LRP1B: variants seen among roughly 807,000 people sequenced by gnomAD.
LRP1B encodes low-density lipoprotein receptor-related protein 1B.
A neutral mutation model predicts 556.6 loss-of-function variants in LRP1B; 217 were observed. That is an observed-to-expected ratio of 0.39 (90% CI 0.35 to 0.44). LRP1B has a LOEUF of 0.44. Ranked by LOEUF, LRP1B falls within the 20% of genes least tolerant of loss-of-function variation. LRP1B has a pLI of 1.00. For missense variants in LRP1B, 5,053 were observed against 5,620.8 expected (o/e 0.90, Z 3.23); for synonymous variants, 2,047 against 1,865.8 (o/e 1.10, Z -2.50).
chr2:141,278,269 A>T (rs1685377313), intron 3 of LRP1B, among the ~76,000 whole-genome samples: 1 of 151,932 alleles, frequency 6.6e-6, no homozygotes, highest in South Asian at 2.1e-4. Context: ...GATTATCCAA[A>T]TTTTCTGTTA....
intron 2 of LRP1B, among the ~76,000 whole-genome samples, chr2:141,759,916 AG>A (rs1694471183): frequency 1.3e-5 from 2 of 152,078 alleles, no homozygotes; most frequent in Admixed American, 1.3e-4. Flanking sequence ...AGATCACCTG[AG>A]GTCAGGAGTT....
intron 2 of LRP1B, among the ~76,000 whole-genome samples, chr2:141,795,857 A>AAAAT (rs1491180183): frequency 0.059 from 3,016 of 51,210 alleles, 273 homozygotes; most frequent in African/African-American, 0.074. Flanking sequence ...AACCAGGAGC[A>AAAAT]ATATATATAT....
At chr2:141,323,477 C>G (rs113168890) in intron 3 of LRP1B, among the ~76,000 whole-genome samples, 3,193 of 152,128 alleles carry the variant, frequency 0.021, 57 homozygotes, top group Non-Finnish European at 0.034. Context: ...AAATTCTTGT[C>G]ATGTAAGATT....
At chr2:140,782,988 A>G (rs1166785509) in intron 32 of LRP1B, among the ~76,000 whole-genome samples, 1 of 152,180 alleles carries the variant, frequency 6.6e-6, no homozygotes, top group Non-Finnish European at 1.5e-5. Flanking sequence ...TGCTTTTTCC[A>G]CTACACTGCC....
rs894067648 is a variant in LRP1B, at chr2:140,428,393, C to T, written c.10414+14111G>A. 7.2e-5 allele frequency among the ~76,000 whole-genome samples: 11 copies of T among 152,288 alleles called. No individual in the cohort carries two copies. In the South Asian group the frequency reaches 8.3e-4, roughly 11 times the overall value. ...CAGTGGCCAGGTATTCCTCCAGGCC[C>T]GCCTCCCCCAGGAGCTTGCTACAAG... On this transcript the variant is annotated intron_variant, in intron 66 of 90. Transcript: ENST00000389484.
intron 2 of LRP1B, among the ~76,000 whole-genome samples, chr2:141,543,681 C>T (rs1334895791): frequency 1.3e-5 from 2 of 151,554 alleles, no homozygotes; most frequent in Non-Finnish European, 2.9e-5. Context: ...ACTACAATCA[C>T]ACCACCGCAC....
chr2:141,766,015 C>T (rs1694721541), intron 2 of LRP1B, among the ~76,000 whole-genome samples: 1 of 152,126 alleles, frequency 6.6e-6, no homozygotes, highest in Admixed American at 6.6e-5. Flanking sequence ...AAAATCACCC[C>T]ATTGCTTTTG....
chr2:141,124,678 A>T (rs1471547677), intron 7 of LRP1B, among the ~76,000 whole-genome samples: 3 of 143,454 alleles, frequency 2.1e-5, no homozygotes, highest in Admixed American at 2.0e-4. Context: ...AAAAAAAAAA[A>T]AAGAAAAAAA....
In LRP1B at chr2:141,207,498, G is replaced by C. The variant is rs1178672637; in HGVS notation, c.851-18915C>G. On this transcript the variant is annotated intron_variant, in intron 6 of 90. Transcript: ENST00000389484. ...CAAGTCACAATGGAATTCTATAAAG[G>C]TTTCTTTGTTGCTGTTATTGTTTTC... is the stretch of plus-strand genomic sequence containing the variant. Among the ~76,000 whole-genome samples the C allele has an allele frequency of 3.3e-5, 5 of 152,028 alleles. 1 individual carries two copies. The highest frequency in any genetic ancestry group is 2.6e-4 in the Admixed American group (4 of 15,262).
intron 76 of LRP1B, among the ~76,000 whole-genome samples, chr2:140,351,518 A>C (rs557086132): frequency 6.6e-6 from 1 of 152,222 alleles, no homozygotes; most frequent in African/African-American, 2.4e-5. Flanking sequence ...TTAAATGCTT[A>C]CTAACTTTTA....
At chr2:140,683,415 A>G in intron 41 of LRP1B, 1 of 529,094 alleles carries the variant, frequency 1.9e-6, no homozygotes, top group South Asian at 1.7e-5. Flanking sequence ...ATAATGGGTT[A>G]TCAGTTGAGG....
chr2:140,873,325 G>T (rs1835168), intron 25 of LRP1B, among the ~76,000 whole-genome samples: 1 of 151,960 alleles, frequency 6.6e-6, no homozygotes, highest in East Asian at 1.9e-4. Flanking sequence ...AAAAACAGCT[G>T]CATCTTAAAT....
At chr2:141,957,890 T>C (rs975772007) in intron 1 of LRP1B, among the ~76,000 whole-genome samples, 8 of 152,076 alleles carry the variant, frequency 5.3e-5, no homozygotes, top group African/African-American at 1.9e-4. Flanking sequence ...TTAACAAGTT[T>C]TTCTTGAGGC....
intron 3 of LRP1B, among the ~76,000 whole-genome samples, chr2:141,455,784 T>TA (rs752743369): frequency 6.6e-6 from 1 of 152,216 alleles, no homozygotes; most frequent in Non-Finnish European, 1.5e-5. Flanking sequence ...GACCAATAAA[T>TA]ACCAACTTTT....
At chr2:141,162,498 C>A (rs1558902855) in intron 7 of LRP1B, among the ~76,000 whole-genome samples, 1 of 152,084 alleles carries the variant, frequency 6.6e-6, no homozygotes, top group African/African-American at 2.4e-5. Flanking sequence ...GCATCTCATA[C>A]TGCCTGCGGT....
At chr2:141,665,381 C>T (rs1690388948) in intron 2 of LRP1B, among the ~76,000 whole-genome samples, 1 of 152,072 alleles carries the variant, frequency 6.6e-6, no homozygotes, top group Admixed American at 6.5e-5. Context: ...ACAATGAGAT[C>T]CCATCTCGTG....
intron 80 of LRP1B, 72 bp downstream of exon 80, chr2:140,325,690 A>G: frequency 1.0e-6 from 1 of 988,426 alleles, no homozygotes; most frequent in Non-Finnish European, 1.5e-6. Flanking sequence ...AAGTATCCAT[A>G]CTTACATTTT....
chr2:140,249,850 C>T (rs1681328451), intron 86 of LRP1B, among the ~76,000 whole-genome samples: 1 of 151,842 alleles, frequency 6.6e-6, no homozygotes, highest in Non-Finnish European at 1.5e-5. Flanking sequence ...CATAAATCTT[C>T]ATACTTTAAG....
At chr2:141,027,894 A>G (rs565042692) in intron 11 of LRP1B, among the ~76,000 whole-genome samples, 27 of 152,202 alleles carry the variant, frequency 1.8e-4, no homozygotes, top group African/African-American at 6.3e-4. Flanking sequence ...TCAGTCTGCA[A>G]CCTGGAAGAG....
Sources: allele counts gnomAD v4.1 joint callset (sites outside exome capture counted in the v4.1 genomes callset), GRCh38; gene constraint gnomAD v4.1.1; transcripts MANE v1.5; gene names NCBI Gene and HGNC (gene_info 2026-07-23, HGNC 2026-07-21).